LYPD6B: variants seen among roughly 807,000 people sequenced by gnomAD.
LYPD6B encodes the protein LY6/PLAUR domain containing 6B, also known as ly6/PLAUR domain-containing protein 6B.
LYPD6B carries 17 observed loss-of-function variants against 22.8 expected under a neutral mutation model. The ratio of observed to expected loss-of-function variants is 0.75; its 90% CI spans 0.51 to 1.12. The LOEUF (loss-of-function observed/expected upper bound fraction) is 1.12, where lower values mean the gene tolerates loss of function less well. Ranked by LOEUF, LYPD6B falls within the 50% of genes most tolerant of loss-of-function variation. LYPD6B has a pLI of 0.00. For missense variants in LYPD6B, 221 were observed against 258.3 expected, an observed-to-expected ratio of 0.86 and a Z score of 0.99; for synonymous variants, 106 against 91.6, an observed-to-expected ratio of 1.16 and a Z score of -0.90.
At chr2:149,059,378 A>G (rs1221123964) in intron 1 of LYPD6B, among the ~76,000 whole-genome samples, 1 of 152,204 alleles carries the variant, frequency 6.6e-6, no homozygotes, top group Non-Finnish European at 1.5e-5. Context: ...AATTCCTTCC[A>G]TGGTTCCAAG....
At chr2:149,128,305 T>C (rs1284880901) in intron 1 of LYPD6B, among the ~76,000 whole-genome samples, 1 of 152,232 alleles carries the variant, frequency 6.6e-6, no homozygotes, top group East Asian at 1.9e-4. Context: ...TTAGGGATGT[T>C]CCATCAAATA....
chr2:149,159,728 G>C (rs1360671370), intron 2 of LYPD6B, among the ~76,000 whole-genome samples: 2 of 151,886 alleles, frequency 1.3e-5, no homozygotes, highest in African/African-American at 4.8e-5. Context: ...CAGGCTACCA[G>C]GTTGGAGATC....
intron 2 of LYPD6B, among the ~76,000 whole-genome samples, chr2:149,150,506 A>G (rs1409018323): frequency 1.3e-5 from 2 of 152,152 alleles, no homozygotes; most frequent in East Asian, 1.9e-4. Flanking sequence ...TTAGGATTTT[A>G]TAGTTACTTT....
intron 1 of LYPD6B, among the ~76,000 whole-genome samples, chr2:149,120,385 T>TTA (rs1559010094): frequency 1.8e-5 from 1 of 54,786 alleles, no homozygotes; most frequent in African/African-American, 1.1e-4. Context: ...ATATATATAT[T>TTA]TTTTTTTTTT....
At chr2:149,093,310 C>T (rs1685752259) in intron 1 of LYPD6B, among the ~76,000 whole-genome samples, 1 of 152,046 alleles carries the variant, frequency 6.6e-6, no homozygotes, top group Non-Finnish European at 1.5e-5. Context: ...TTGTATTGGT[C>T]CAGATGCATA....
intron 1 of LYPD6B, among the ~76,000 whole-genome samples, chr2:149,078,228 G>A (rs1376840201): frequency 1.3e-5 from 2 of 152,144 alleles, no homozygotes; most frequent in African/African-American, 2.4e-5. Context: ...TGCCTCCCTT[G>A]AGAAGGCACC....
chr2:149,118,470 T>C (rs1687117812), intron 1 of LYPD6B, among the ~76,000 whole-genome samples: 2 of 152,306 alleles, frequency 1.3e-5, no homozygotes, highest in South Asian at 4.1e-4. Flanking sequence ...ACACTTGAGA[T>C]TGCCTTGATG....
At position 149,099,484 on chromosome 2, in the gene LYPD6B, G is replaced by T. The variant is rs566697975; in HGVS notation, c.-66-31399G>T. ...AGGATCCTTGGTCCCCTCATGGTAG[G>T]GTCACAGCAGGGCCAGCAGGAGGCA... On this transcript the variant is annotated intron_variant, in intron 1 of 6. Transcript: ENST00000409642. 1.3e-5 allele frequency among the ~76,000 whole-genome samples: 2 copies of T among 152,156 alleles called. 1 individual carries two copies. The highest frequency in any genetic ancestry group is 4.1e-4 in the South Asian group (2 of 4,826).
At chr2:149,195,708 G>C (rs1692767311) in intron 3 of LYPD6B, among the ~76,000 whole-genome samples, 1 of 152,084 alleles carries the variant, frequency 6.6e-6, no homozygotes, top group South Asian at 2.1e-4. Flanking sequence ...TAATGATATT[G>C]GCCTGTATGA....
chr2:149,126,508 T>C (rs1276794835), intron 1 of LYPD6B, among the ~76,000 whole-genome samples: 2 of 152,284 alleles, frequency 1.3e-5, no homozygotes, highest in East Asian at 1.9e-4. Context: ...ATATTTACCA[T>C]TGATAAAGTG....
At chr2:149,172,537 C>T (rs1407008119) in intron 3 of LYPD6B, among the ~76,000 whole-genome samples, 1 of 152,038 alleles carries the variant, frequency 6.6e-6, no homozygotes, top group East Asian at 1.9e-4. Flanking sequence ...GTGGTACAAC[C>T]AGGACATCTG....
chr2:149,117,487 T>C (rs1331349589), intron 1 of LYPD6B, among the ~76,000 whole-genome samples: 1 of 152,114 alleles, frequency 6.6e-6, no homozygotes, highest in African/African-American at 2.4e-5. Context: ...GTCAGGCTGG[T>C]CTCAAACTCT....
intron 2 of LYPD6B, among the ~76,000 whole-genome samples, chr2:149,146,230 G>A (rs915353630): frequency 1.3e-5 from 2 of 152,242 alleles, no homozygotes; most frequent in African/African-American, 2.4e-5. Context: ...GGAATGAAGA[G>A]TGGACTGTTC....
At chr2:149,097,081 G>C (rs143253618) in intron 1 of LYPD6B, among the ~76,000 whole-genome samples, 1 of 152,118 alleles carries the variant, frequency 6.6e-6, no homozygotes, top group East Asian at 1.9e-4. Flanking sequence ...TGCATAAAAC[G>C]CCCTAGGAGC....
At chr2:149,074,631 CTATAA>C (rs1380545778) in intron 1 of LYPD6B, among the ~76,000 whole-genome samples, 1 of 152,164 alleles carries the variant, frequency 6.6e-6, no homozygotes, top group East Asian at 1.9e-4. Context: ...TATAATAAAA[CTATAA>C]TATTGCTGTG....
At chr2:149,137,467 G>A (rs1207904200) in intron 2 of LYPD6B, among the ~76,000 whole-genome samples, 1 of 152,090 alleles carries the variant, frequency 6.6e-6, no homozygotes, top group African/African-American at 2.4e-5. Context: ...AAAACATGTA[G>A]GCATTTCAAA....
chr2:149,047,400 C>T (rs754517232), intron 1 of LYPD6B, among the ~76,000 whole-genome samples: 1 of 152,142 alleles, frequency 6.6e-6, no homozygotes, highest in Non-Finnish European at 1.5e-5. Context: ...AAATTCAGGA[C>T]TTTAAAAATG....
At chr2:149,132,415 A>G (rs576675072) in intron 2 of LYPD6B, among the ~76,000 whole-genome samples, 15 of 152,062 alleles carry the variant, frequency 9.9e-5, no homozygotes, top group African/African-American at 3.4e-4. Flanking sequence ...CAAGTGGAAC[A>G]TGATTGCTTA....
chr2:149,169,401 T>A (rs1465302635), intron 3 of LYPD6B, among the ~76,000 whole-genome samples: 1 of 152,212 alleles, frequency 6.6e-6, no homozygotes, highest in African/African-American at 2.4e-5. Flanking sequence ...GTAGTCTGAT[T>A]GGAGCATGAC....
Sources: allele counts gnomAD v4.1 joint callset (sites outside exome capture counted in the v4.1 genomes callset), GRCh38; gene constraint gnomAD v4.1.1; transcripts MANE v1.5; gene names NCBI Gene and HGNC (gene_info 2026-07-23, HGNC 2026-07-21).